The following PDZRN3 variants were observed in gnomAD, a reference collection of about 807,000 sequenced individuals.
PDZRN3 encodes PDZ domain containing ring finger 3, also known as E3 ubiquitin-protein ligase PDZRN3.
In PDZRN3, 38 loss-of-function variants were observed where a neutral mutation model predicts 85.7. That is an observed-to-expected ratio of 0.44 (90% confidence interval 0.34 to 0.58). The LOEUF (loss-of-function observed/expected upper bound fraction) is 0.58, where lower values mean the gene tolerates loss of function less well. PDZRN3 is among the 20% of genes least tolerant of loss of function. The probability of loss-of-function intolerance (pLI) is 0.01; values close to 1 mark genes in which losing one functional copy is unlikely to be tolerated. For missense variants in PDZRN3, 1,629 were observed against 1,506.4 expected (o/e 1.08, Z -1.35); for synonymous variants, 759 against 638.0 (o/e 1.19, Z -2.86).
chr3:73,545,517 G>A (rs1701403252), intron 3 of PDZRN3, among the ~76,000 whole-genome samples: 2 of 152,164 alleles, frequency 1.3e-5, no homozygotes, highest in Non-Finnish European at 1.5e-5. Flanking sequence ...GGACATAACA[G>A]CAATTCTGGG....
chr3:73,506,837 A>G (rs1201613834), intron 3 of PDZRN3, among the ~76,000 whole-genome samples: 1 of 151,604 alleles, frequency 6.6e-6, no homozygotes, highest in East Asian at 1.9e-4. Flanking sequence ...GCCCAGGTTG[A>G]GGATGCAATC....
At chr3:73,463,624 C>T (rs985627858) in intron 3 of PDZRN3, among the ~76,000 whole-genome samples, 2 of 152,076 alleles carry the variant, frequency 1.3e-5, no homozygotes, top group Non-Finnish European at 2.9e-5. Flanking sequence ...TGTGGTGATT[C>T]CTCAAATACC....
At chr3:73,594,032 T>C (rs1364417737) in intron 3 of PDZRN3, 1 of 152,210 alleles carries the variant, frequency 6.6e-6, no homozygotes, top group East Asian at 1.9e-4. Flanking sequence ...CTGAGTTTTA[T>C]ATTTATCTGA....
At chr3:73,395,779 A>G (rs1294885331) in intron 5 of PDZRN3, among the ~76,000 whole-genome samples, 1 of 152,242 alleles carries the variant, frequency 6.6e-6, no homozygotes, top group Non-Finnish European at 1.5e-5. Flanking sequence ...AGATAGGGTA[A>G]CAAGGCATTT....
At chr3:73,597,002 G>A (rs1485723253) in intron 3 of PDZRN3, among the ~76,000 whole-genome samples, 6 of 152,160 alleles carry the variant, frequency 3.9e-5, no homozygotes, top group Non-Finnish European at 4.4e-5. Context: ...AAATGTAGTA[G>A]ATGTTAATAT....
intron 3 of PDZRN3, among the ~76,000 whole-genome samples, chr3:73,452,853 G>GTGTGTA (rs1222359029): frequency 6.6e-6 from 1 of 151,550 alleles, no homozygotes; most frequent in African/African-American, 2.4e-5. Context: ...GTGTGTGTGT[G>GTGTGTA]TGTGTGTGTG....
intron 3 of PDZRN3, among the ~76,000 whole-genome samples, chr3:73,593,318 ATTC>A (rs1412388560): frequency 2.6e-5 from 4 of 152,198 alleles, no homozygotes; most frequent in Non-Finnish European, 5.9e-5. Flanking sequence ...CTTCTAATTT[ATTC>A]TTCATTTTAA....
At chr3:73,580,204 T>G (rs1286509037) in intron 3 of PDZRN3, among the ~76,000 whole-genome samples, 1 of 152,164 alleles carries the variant, frequency 6.6e-6, no homozygotes, top group Non-Finnish European at 1.5e-5. Context: ...TTAACAGAGG[T>G]TCACGAATGG....
At chr3:73,486,307 T>C (rs1362772685) in intron 3 of PDZRN3, among the ~76,000 whole-genome samples, 2 of 152,026 alleles carry the variant, frequency 1.3e-5, no homozygotes, top group Non-Finnish European at 2.9e-5. Flanking sequence ...AGGGGTGGGA[T>C]TCCAATCCAG....
chr3:73,446,760 G>A (rs1414898585), intron 3 of PDZRN3, among the ~76,000 whole-genome samples: 3 of 152,044 alleles, frequency 2.0e-5, no homozygotes, highest in Non-Finnish European at 2.9e-5. Flanking sequence ...GGTAACCAGG[G>A]TGCACAGAAT....
In PDZRN3 at chr3:73,444,700, T is replaced by C. The variant is rs185745891; in HGVS notation, c.919-40305A>G. 4.6e-5 allele frequency among the ~76,000 whole-genome samples: 7 copies of C among 152,004 alleles called. No individual in the cohort carries two copies. In the East Asian group the frequency reaches 1.4e-3, roughly 30 times the overall value. The stretch of plus-strand genomic sequence containing the variant: ...GTAGAGAGTGGAGGTAGTGGTGGAG[T>C]AAGGAAGGTTTCTCCTGATAACCCC... On this transcript the variant is annotated intron_variant, in intron 3 of 9. Transcript: ENST00000263666.
At chr3:73,395,278 G>A (rs1262626107) in intron 5 of PDZRN3, among the ~76,000 whole-genome samples, 1 of 152,204 alleles carries the variant, frequency 6.6e-6, no homozygotes, top group Non-Finnish European at 1.5e-5. Flanking sequence ...TAAGCATATT[G>A]CTGAAAGCAT....
chr3:73,389,012 C>G (rs1201967986), intron 7 of PDZRN3, among the ~76,000 whole-genome samples: 1 of 151,022 alleles, frequency 6.6e-6, no homozygotes, highest in African/African-American at 2.4e-5. Flanking sequence ...GGTCACTTCC[C>G]TAGGGCAAGC....
intron 5 of PDZRN3, among the ~76,000 whole-genome samples, chr3:73,397,041 T>TC (rs1701653060): frequency 6.6e-6 from 1 of 151,102 alleles, no homozygotes; most frequent in Admixed American, 6.6e-5. Context: ...TTTCTTTCTT[T>TC]TTTTTTTTTT....
rs747675674 is a variant in PDZRN3, at chr3:73,391,049, T to C, written c.1322A>G (p.Asp441Gly). ...LGLTVCYRTDDEDDIGIYISE... is the reference protein window; with the variant it reads ...LGLTVCYRTDGEDDIGIYISE... ...GATATAAATCCCAATGTCGTCTTCATCGTCCGTCCGGTAGCACACAGTGAG... is the reference window on the plus strand; with the variant it reads ...GATATAAATCCCAATGTCGTCTTCACCGTCCGTCCGGTAGCACACAGTGAG... The change falls in exon 6 of 10, where the codon GAT becomes GGT. Residue 441 changes from aspartate (D) to glycine (G), a missense_variant. Asp to Gly is a moderately conservative substitution (Grantham distance 94, BLOSUM62 -1). Transcript: ENST00000263666. 1 of 1,613,756 alleles carries C rather than the reference T, an allele frequency of 6.2e-7. No individual in the cohort carries two copies. The highest frequency in any genetic ancestry group is 1.1e-5 in the South Asian group (1 of 91,048).
intron 5 of PDZRN3, among the ~76,000 whole-genome samples, chr3:73,394,779 G>A (rs1014396139): frequency 6.6e-6 from 1 of 152,150 alleles, no homozygotes; most frequent in African/African-American, 2.4e-5. Context: ...TTCAAGGGAT[G>A]GTTCAACATC....
intron 3 of PDZRN3, among the ~76,000 whole-genome samples, chr3:73,446,257 A>T (rs1559683818): frequency 1.3e-5 from 2 of 151,732 alleles, no homozygotes. Flanking sequence ...GAGGCATTTT[A>T]TTTCAGGAAA....
intron 3 of PDZRN3, among the ~76,000 whole-genome samples, chr3:73,460,348 C>T (rs1010244722): frequency 1.3e-5 from 2 of 152,154 alleles, no homozygotes; most frequent in African/African-American, 4.8e-5. Flanking sequence ...TGATTTGTGT[C>T]TTTCATGGAC....
At chr3:73,429,253 A>G (rs1702382443) in intron 3 of PDZRN3, among the ~76,000 whole-genome samples, 1 of 152,094 alleles carries the variant, frequency 6.6e-6, no homozygotes, top group Non-Finnish European at 1.5e-5. Context: ...GCCTAAATGA[A>G]TTCAGAATGT....
Sources: gnomAD v4.1 joint callset for allele counts (sites outside exome capture counted in the v4.1 genomes callset) on GRCh38, gnomAD v4.1.1 for gene constraint, MANE v1.5 for transcripts, NCBI Gene and HGNC (gene_info 2026-07-23, HGNC 2026-07-21) for gene names.